The following SPOCD1 variants were observed in gnomAD, a reference collection of about 807,000 sequenced individuals.
The protein encoded by SPOCD1 is SPOC domain-containing protein 1.
In SPOCD1, 64 loss-of-function variants were observed where a neutral mutation model predicts 92.2. That is an observed-to-expected ratio of 0.69 (90% confidence interval 0.57 to 0.86). The LOEUF (loss-of-function observed/expected upper bound fraction) is 0.86, where lower values mean the gene tolerates loss of function less well. SPOCD1 is among the 40% of genes least tolerant of loss of function. The probability of loss-of-function intolerance (pLI) is 0.00; values close to 1 mark genes in which losing one functional copy is unlikely to be tolerated. For synonymous variants in SPOCD1, 578 were observed against 619.3 expected, an observed-to-expected ratio of 0.93 and a Z score of 0.99; for missense variants, 1,360 against 1,543.1, an observed-to-expected ratio of 0.88 and a Z score of 1.99.
intron 3 of SPOCD1, among the ~76,000 whole-genome samples, chr1:31,801,287 G>C (rs1162785764): frequency 6.6e-6 from 1 of 152,202 alleles, no homozygotes; most frequent in Non-Finnish European, 1.5e-5. Context: ...TTCCAGGATT[G>C]GTAGAGAGCA....
In SPOCD1 at chr1:31,791,087, T is replaced by C. The variant is rs1647556954; in HGVS notation, c.3167A>G (p.Asn1056Ser). 1 of 1,612,938 alleles carries C rather than the reference T, an allele frequency of 6.2e-7. No individual in the cohort carries two copies. Among genetic ancestry groups the C allele is most frequent in the Non-Finnish European group, 8.5e-7 (1 of 1,179,936 alleles). ...RYYQPDDRRP[N>S]VPLKGTPPPG... ...GGGAGGGGTGCCCTTCAGGGGCACA[T>C]TCGGCCTCCTGTCATCTGGCTGATA... The change falls in exon 16 of 16, where the codon AAT (asparagine) becomes AGT (serine). Residue 1056 changes from asparagine (N) to serine (S), a missense_variant. Coordinates refer to ENST00000360482, the MANE Select transcript of SPOCD1 (RefSeq NM_144569.7).
intron 2 of SPOCD1, among the ~76,000 whole-genome samples, chr1:31,805,008 G>A (rs1418956508): frequency 3.6e-5 from 1 of 27,586 alleles, no homozygotes; most frequent in African/African-American, 1.1e-4. Context: ...TTGAGATGGA[G>A]TCTCGCTCTG....
intron 2 of SPOCD1, among the ~76,000 whole-genome samples, chr1:31,812,809 C>T (rs529141524): frequency 7.9e-5 from 12 of 152,330 alleles, no homozygotes; most frequent in East Asian, 7.7e-4. Context: ...CAAGACAGAC[C>T]GCCTAGGCTT....
intron 2 of SPOCD1, 65 bp from the exon 3 acceptor site, chr1:31,801,770 TCA>T: frequency 7.5e-7 from 1 of 1,337,378 alleles, no homozygotes; most frequent in Non-Finnish European, 1.1e-6. Flanking sequence ...GGCAGGGAAT[TCA>T]CAAAAAGAAG....
Position 31,815,240 on chromosome 1 carries a change from C to G in SPOCD1, c.94G>C (p.Ala32Pro). ...NCELLQNMEG[A>P]SSMPGLSPDG... ...GGTGACAGGCCTGGCATGGAGCTGG[C>G]TCCTTCCATGTTCTGTAAAAGCTCA... is the stretch of plus-strand genomic sequence containing the variant. Residue 32 changes from alanine (A) to proline (P), a missense_variant, in exon 2 of 16, where the codon GCC (alanine) becomes CCC (proline). Coordinates refer to ENST00000360482, the MANE Select transcript of SPOCD1 (RefSeq NM_144569.7). The G allele has an allele frequency of 6.2e-7, 1 of 1,605,900 alleles. No individual in the cohort carries two copies.
chr1:31,792,565 T>C, intron 14 of SPOCD1, 113 bp downstream of exon 14: 1 of 1,143,222 alleles, frequency 8.7e-7, no homozygotes, highest in Non-Finnish European at 1.2e-6. Context: ...GAGTCTGCAG[T>C]CACTCTGGGA....
At chr1:31,804,172 C>T (rs1440075500) in intron 2 of SPOCD1, among the ~76,000 whole-genome samples, 2 of 152,160 alleles carry the variant, frequency 1.3e-5, no homozygotes, top group Non-Finnish European at 2.9e-5. Context: ...ACATCTGTGG[C>T]AAGTGCTTTA....
chr1:31,814,270 T>G lies in SPOCD1; in HGVS notation c.1064A>C (p.Gln355Pro), dbSNP rs112651926. Residue 355 changes from glutamine to proline, a missense_variant, in exon 2 of 16, where the codon CAG becomes CCG. Physicochemically the swap from Gln to Pro is moderately conservative, Grantham distance 76. Around this residue, in one of 3 missense-constraint regions of SPOCD1, gnomAD observed 606 missense variants for 601.5 expected, o/e 1.01. Transcript: ENST00000360482. This position sits in a 1 kb window ranked among gnomAD's most constrained non-coding sequence, Gnocchi z 4.2. ...CTCCTCCTGGTCCTGTGCTGGAGCC[T>G]GGCCTTCATCGCTGCCAGTCCGCAC... ...CVVRTGSDEG[Q>P]APAQDQEELE... is the part of the protein sequence containing the mutation. The G allele has an allele frequency of 1.3e-6, 2 of 1,581,838 alleles. No individual in the cohort carries two copies. Among genetic ancestry groups the G allele is most frequent in the Non-Finnish European group, 1.7e-6 (2 of 1,161,686 alleles).
At chr1:31,793,702 C>A in intron 12 of SPOCD1, 45 bp downstream of exon 12, 2 of 1,612,454 alleles carry the variant, frequency 1.2e-6, no homozygotes, top group Non-Finnish European at 1.7e-6. Context: ...TGGCCTCCCC[C>A]TCAACCCTGC....
chr1:31,799,295 G>T, intron 7 of SPOCD1, 106 bp downstream of exon 7: 1 of 984,640 alleles, frequency 1.0e-6, no homozygotes, highest in Non-Finnish European at 1.6e-6. Context: ...TACCAAATGG[G>T]GTTAGCCAGA....
At position 31,792,233 on chromosome 1, in the gene SPOCD1, GC is replaced by G. The variant is rs1162989406; in HGVS notation, c.2943del (p.Arg982AlafsTer78). On this transcript the variant is annotated frameshift_variant, in exon 15 of 16. Coordinates refer to ENST00000360482, the MANE Select transcript of SPOCD1 (RefSeq NM_144569.7). LOFTEE classifies it low-confidence loss of function (END_TRUNC). ...LPAFQPLPTRLRPLGGPGLWA... is the reference protein window; with the variant it reads ...LPAFQPLPTRXRPLGGPGLWA... ...CACTCACCTGGGCCCCCCAAAGGGC[GC>G]AGCCTGGTGGGCAGGGGCTGGAAGG... 3.1e-6 allele frequency: 5 copies of G among 1,607,544 alleles called. No individual in the cohort carries two copies. The highest frequency in any genetic ancestry group is 4.2e-6 in the Non-Finnish European group (5 of 1,177,158).
chr1:31,799,729 G>A, intron 6 of SPOCD1, 80 bp downstream of exon 6: 1 of 1,521,378 alleles, frequency 6.6e-7, no homozygotes, highest in South Asian at 1.1e-5. Context: ...GCAGGGGCTG[G>A]GCCCAGGAGC....
chr1:31,810,702 C>T (rs777105360), intron 2 of SPOCD1, among the ~76,000 whole-genome samples: 1 of 152,176 alleles, frequency 6.6e-6, no homozygotes, highest in Non-Finnish European at 1.5e-5. Context: ...ATACTTGAAG[C>T]TCTCAGTCTA....
At chr1:31,815,508 T>A in intron 1 of SPOCD1, 136 bp from the exon 2 acceptor site, 1 of 541,664 alleles carries the variant, frequency 1.8e-6, no homozygotes, top group Non-Finnish European at 3.0e-6. Flanking sequence ...GGGTGAGCAC[T>A]CCAGGGAGGG....
Position 31,798,657 on chromosome 1 carries a change from T to C in SPOCD1, c.1869-56A>G. 2 of 1,577,684 alleles carry C rather than the reference T, an allele frequency of 1.3e-6. No homozygotes were observed. The highest frequency in any genetic ancestry group is 1.7e-6 in the Non-Finnish European group (2 of 1,163,896). ...GAGCCCAGGAGGCTCTCCAGGCACT[T>C]AGTCCCAGAGGGAGGCAGCTGGGTG... On this transcript the variant is annotated intron_variant, in intron 7 of 15. Transcript: ENST00000360482. The surrounding 1 kb of genome is among the most constrained non-coding windows in gnomAD (Gnocchi z 4.1).
In SPOCD1 at chr1:31,814,766, G is replaced by A. The variant is rs117626025; in HGVS notation, c.568C>T (p.Pro190Ser). The A allele has an allele frequency of 2.0e-4, 322 of 1,613,596 alleles. 1 individual carries two copies. In the East Asian group the frequency reaches 6.9e-3, roughly 35 times the overall value. Residue 190 changes from proline to serine, a missense_variant, in exon 2 of 16, where the codon CCT becomes TCT. Physicochemically the swap from Pro to Ser is moderately conservative, Grantham distance 74. Around this residue, in one of 3 missense-constraint regions of SPOCD1, gnomAD observed 606 missense variants for 601.5 expected, o/e 1.01. Coordinates refer to ENST00000360482, the MANE Select transcript of SPOCD1 (RefSeq NM_144569.7). The surrounding 1 kb of genome is among the most constrained non-coding windows in gnomAD (Gnocchi z 4.2). ...RSPTLSKEEP[P>S]GRPLTSSPDP... ...GGTGAGGATGTCAGGGGCCTTCCAG[G>A]GGGCTCCTCTTTGCTGAGTGTGGGG...
Position 31,790,938 on chromosome 1 carries a change from G to C in SPOCD1, c.3316C>G (p.Pro1106Ala). The C allele has an allele frequency of 6.4e-7, 1 of 1,571,764 alleles. No individual in the cohort carries two copies. Among genetic ancestry groups the C allele is most frequent in the Non-Finnish European group, 8.6e-7 (1 of 1,161,120 alleles). ...TCTGGGGGCCACTGCCCTCGCCCAG[G>C]ATGCTGCCAGTTTTCAGGCTCTGGC... Reference protein sequence around the residue: ...LWPEPENWQHPGRGQWPPEPG... With the variant: ...LWPEPENWQHAGRGQWPPEPG... Residue 1106 changes from proline (P) to alanine (A), a missense_variant, in exon 16 of 16, where the codon CCT (proline) becomes GCT (alanine). Around this residue, in one of 3 missense-constraint regions of SPOCD1, gnomAD observed 614 missense variants for 757.8 expected, o/e 0.81. Transcript: ENST00000360482.
chr1:31,800,633 C>G lies in SPOCD1; in HGVS notation c.1426-16G>C. 2 of 1,588,198 alleles carry G rather than the reference C, an allele frequency of 1.3e-6. No individual in the cohort carries two copies. The highest frequency in any genetic ancestry group is 1.7e-6 in the Non-Finnish European group (2 of 1,164,020). The stretch of plus-strand genomic sequence containing the variant: ...CGGAACCCAGCTGCGGGGGAGATCG[C>G]ACTTCAGAAGCAAGCGGGGCCAGCC... On this transcript the variant is annotated splice_polypyrimidine_tract_variant and intron_variant, in intron 3 of 15. Coordinates refer to ENST00000360482, the MANE Select transcript of SPOCD1 (RefSeq NM_144569.7).
At chr1:31,794,373 C>T in intron 10 of SPOCD1, 138 bp from the exon 11 acceptor site, 2 of 506,048 alleles carry the variant, frequency 4.0e-6, no homozygotes, top group Non-Finnish European at 7.0e-6. Context: ...ACTGTGAACT[C>T]ATAAAGAAAA....
Sources: gnomAD v4.1 joint callset for allele counts (sites outside exome capture counted in the v4.1 genomes callset) on GRCh38, gnomAD v4.1.1 for gene constraint, gnomAD v4.1.1 regional missense constraint, Gnocchi (gnomAD v3.1) non-coding constraint, MANE v1.5 for transcripts, NCBI Gene and HGNC (gene_info 2026-07-23, HGNC 2026-07-21) for gene names.